The following TLR8 variants were observed in gnomAD, a reference collection of about 807,000 sequenced individuals.
TLR8 encodes the protein toll like receptor 8, also known as toll-like receptor 8.
Under a neutral mutation model 18.5 loss-of-function variants are expected in TLR8, and 5 were observed. That is an observed-to-expected ratio of 0.27 (90% CI 0.14 to 0.57). TLR8 has a LOEUF of 0.57. Among genes scored for constraint, TLR8 ranks in the 20% least tolerant of loss-of-function variants. The pLI, the probability that TLR8 is intolerant of heterozygous loss-of-function variation, is 0.92. For missense variants in TLR8, 543 were observed against 769.8 expected, an observed-to-expected ratio of 0.71 and a Z score of 3.49; for synonymous variants, 299 against 300.1, an observed-to-expected ratio of 1.00 and a Z score of 0.04.
At chrX:12,907,334 G>A (rs891496998) in intron 1 of TLR8, among the ~76,000 whole-genome samples, 6 of 112,394 alleles carry the variant, frequency 5.3e-5, no homozygotes, top group African/African-American at 1.9e-4. Flanking sequence ...AGACATAGCA[G>A]GTGGTCCGTT....
chrX:12,908,968 T>C (rs1373612724), intron 1 of TLR8, among the ~76,000 whole-genome samples: 1 of 111,749 alleles, frequency 8.9e-6, no homozygotes, highest in Non-Finnish European at 1.9e-5. Flanking sequence ...TCACAGAATA[T>C]TAGGGTGTGT....
In TLR8 at chrX:12,915,894, T is replaced by C. The variant is rs770905662; in HGVS notation, c.4-3150T>C. On this transcript the variant is annotated intron_variant, in intron 1 of 1. Transcript: ENST00000218032. ...AGGTTTCACTCCTTTTTTTTTTTTC[T>C]TTTTGAGACGGAGTTTCACTCTTGT... 3.6e-5 allele frequency among the ~76,000 whole-genome samples: 4 copies of C among 110,666 alleles called. No homozygotes were observed. In the South Asian group the frequency reaches 1.5e-3, roughly 42 times the overall value.
intron 1 of TLR8, among the ~76,000 whole-genome samples, chrX:12,917,166 T>C (rs1298280115): frequency 1.8e-5 from 2 of 112,138 alleles, no homozygotes; most frequent in Non-Finnish European, 3.8e-5. Flanking sequence ...ACAAAATTCA[T>C]GGGGGTCATC....
chrX:12,916,241 G>A (rs1354784133), intron 1 of TLR8, among the ~76,000 whole-genome samples: 1 of 111,770 alleles, frequency 8.9e-6, no homozygotes, highest in East Asian at 2.8e-4. Context: ...TTATCACAGT[G>A]TAAACCTTGT....
chrX:12,922,256 C>T lies in TLR8; in HGVS notation c.*90C>T, dbSNP rs5744086. The T allele has an allele frequency of 0.049, 52,525 of 1,076,005 alleles. 983 individuals carry two copies. Among genetic ancestry groups the T allele is most frequent in the African/African-American group, 0.1 (5,479 of 53,571 alleles). 88.7% of individuals were successfully genotyped at this position (1,076,005 alleles called of 1,213,427 possible). Reference sequence around the variant, plus strand: ...TATCTATTGCTATGTAACAAATTATCCCAAAACTTAGTGGTTTAAAACAAC... The same window carrying T: ...TATCTATTGCTATGTAACAAATTATTCCAAAACTTAGTGGTTTAAAACAAC... On this transcript the variant is annotated 3_prime_UTR_variant, in exon 2 of 2. Coordinates refer to ENST00000218032, the MANE Select transcript of TLR8 (RefSeq NM_138636.5).
rs1268577130 is a variant in TLR8, at chrX:12,922,186, T to C, written c.*20T>C. 1.7e-6 allele frequency: 2 copies of C among 1,169,264 alleles called. No individual in the cohort carries two copies. The highest frequency in any genetic ancestry group is 3.6e-5 in the African/African-American group (2 of 56,090). ...TACTAACTGACGTTAAGTCATGATT[T>C]CGCGCCATAATAAAGATGCAAAGGA... On this transcript the variant is annotated 3_prime_UTR_variant, in exon 2 of 2. Transcript: ENST00000218032.
Position 12,922,821 on chromosome X carries a change from T to G in TLR8, c.*655T>G, listed in dbSNP as rs1033438620. 8.9e-6 allele frequency: 1 copy of G among 112,256 alleles called. No homozygotes were observed. Among genetic ancestry groups the G allele is most frequent in the East Asian group, 2.8e-4 (1 of 3,601 alleles). The allele number at this position is 112,256 out of a possible 1,213,427, so 9.3% of individuals were successfully genotyped here. A position where few individuals can be genotyped will look rare whatever the true frequency, so the allele number is the denominator to read the frequency against. On this transcript the variant is annotated 3_prime_UTR_variant, in exon 2 of 2. Transcript: ENST00000218032. ...GATCACTGTGGACCATCTTAGCAGT[T>G]GACCTAACACATCTTCTTTTCAATA...
intron 1 of TLR8, among the ~76,000 whole-genome samples, chrX:12,913,602 C>A (rs1198538200): frequency 8.9e-6 from 1 of 112,706 alleles, no homozygotes; most frequent in East Asian, 2.7e-4. Flanking sequence ...TACTCATAGG[C>A]ATTTAGATTA....
chrX:12,911,387 ATTC>A (rs2043019996), intron 1 of TLR8, among the ~76,000 whole-genome samples: 1 of 111,679 alleles, frequency 9.0e-6, no homozygotes, highest in Non-Finnish European at 1.9e-5. Flanking sequence ...GTAGCTAGCA[ATTC>A]TTGATGCTCT....
chrX:12,921,819 G>A lies in TLR8; in HGVS notation c.2779G>A (p.Ala927Thr). 8.3e-7 allele frequency: 1 copy of A among 1,211,689 alleles called. No homozygotes were observed. The highest frequency in any genetic ancestry group is 1.1e-6 in the Non-Finnish European group (1 of 895,423). ...LEERDWDPGLAIIDNLMQSIN... is the reference protein window; with the variant it reads ...LEERDWDPGLTIIDNLMQSIN... The stretch of plus-strand genomic sequence containing the variant: ...GGAGAGGGATTGGGACCCGGGATTG[G>A]CCATCATCGACAACCTCATGCAGAG... Residue 927 changes from alanine (A) to threonine (T), a missense_variant, in exon 2 of 2, where the codon GCC (alanine) becomes ACC (threonine). Ala to Thr is a moderately conservative substitution (Grantham distance 58). This residue lies in a region of TLR8 where 227 missense variants were observed against 312.9 expected (regional missense o/e 0.73). Transcript: ENST00000218032.
rs186443761 is a variant in TLR8 at position 12,922,200 on chromosome X, A to T, written c.*34A>T. On this transcript the variant is annotated 3_prime_UTR_variant, in exon 2 of 2. Transcript: ENST00000218032. Reference sequence around the variant, plus strand: ...AAGTCATGATTTCGCGCCATAATAAAGATGCAAAGGAATGACATTTCTGTA... The same window carrying T: ...AAGTCATGATTTCGCGCCATAATAATGATGCAAAGGAATGACATTTCTGTA... 24 of 1,156,809 alleles carry T rather than the reference A, an allele frequency of 2.1e-5. 1 individual carries two copies. In the East Asian group the frequency reaches 6.3e-4, roughly 30 times the overall value.
At position 12,919,118 on chromosome X, in the gene TLR8, C is replaced by G; in HGVS notation, c.78C>G (p.Ala26=). ...LLISGSCELC[A]EENFSRSYPC... Reference sequence around the variant, plus strand: ...TATCTGGTTCCTGTGAGTTATGCGCCGAAGAAAATTTTTCTAGAAGCTATC... The same window carrying G: ...TATCTGGTTCCTGTGAGTTATGCGCGGAAGAAAATTTTTCTAGAAGCTATC... Residue 26 remains alanine, a synonymous_variant, in exon 2 of 2, where the codon GCC becomes GCG. Transcript: ENST00000218032. 1 of 1,211,084 alleles carries G rather than the reference C, an allele frequency of 8.3e-7. No individual in the cohort carries two copies. The highest frequency in any genetic ancestry group is 1.1e-6 in the Non-Finnish European group (1 of 895,264).
At position 12,920,561 on chromosome X, in the gene TLR8, T is replaced by A. The variant is rs774911402; in HGVS notation, c.1521T>A (p.Ile507=). The part of the protein sequence containing the change: ...GPNQFENLPD[I]ACLNLSANSN... ...ACCAATTTGAAAATCTTCCTGACAT[T>A]GCCTGTTTAAATCTGTCTGCAAATA... Residue 507 remains isoleucine (I), a synonymous_variant, in exon 2 of 2, where the codon ATT becomes ATA. Coordinates refer to ENST00000218032, the MANE Select transcript of TLR8 (RefSeq NM_138636.5). The A allele has an allele frequency of 1.6e-5, 19 of 1,211,518 alleles. No homozygotes were observed. The South Asian group carries it at 3.2e-4, about 20-fold the overall frequency.
chrX:12,910,291 T>A lies in TLR8; in HGVS notation c.3+3582T>A, dbSNP rs1353236156. On this transcript the variant is annotated intron_variant, in intron 1 of 1. Coordinates refer to ENST00000218032, the MANE Select transcript of TLR8 (RefSeq NM_138636.5). Reference sequence around the variant, plus strand: ...AATTCAACTGAGGAGATTAATTACATGTTATAATCAATAGGTTCTCTTGAC... The same window carrying A: ...AATTCAACTGAGGAGATTAATTACAAGTTATAATCAATAGGTTCTCTTGAC... 11 of 1,121,902 alleles carry A rather than the reference T, an allele frequency of 9.8e-6. No homozygotes were observed. In the East Asian group the frequency reaches 3.4e-4, roughly 34 times the overall value. The allele number at this position is 1,121,902 out of a possible 1,213,427, so 92.5% of individuals were successfully genotyped here.
Position 12,919,919 on chromosome X carries a change from C to T in TLR8, c.879C>T (p.Asn293=). Reference sequence around the variant, plus strand: ...ACTTGACCCAACTTCGATACCTAAACCTCTCTAGCACTTCCCTCAGGAAGA... The same window carrying T: ...ACTTGACCCAACTTCGATACCTAAATCTCTCTAGCACTTCCCTCAGGAAGA... ...FQNLTQLRYL[N]LSSTSLRKIN... The change falls in exon 2 of 2, where the codon AAC becomes AAT. Residue 293 remains asparagine (N), a synonymous_variant. Coordinates refer to ENST00000218032, the MANE Select transcript of TLR8 (RefSeq NM_138636.5). The T allele has an allele frequency of 1.7e-6, 2 of 1,211,347 alleles. No individual in the cohort carries two copies. The highest frequency in any genetic ancestry group is 1.1e-6 in the Non-Finnish European group (1 of 895,199).
At chrX:12,910,434 A>G in intron 1 of TLR8, 1 of 1,167,569 alleles carries the variant, frequency 8.6e-7, no homozygotes, top group Middle Eastern at 2.3e-4. Context: ...GGGAAAGGAG[A>G]CTAAAAAGGT....
chrX:12,915,935 G>T (rs987186692), intron 1 of TLR8, among the ~76,000 whole-genome samples: 4 of 109,741 alleles, frequency 3.6e-5, no homozygotes, highest in Non-Finnish European at 7.6e-5. Context: ...AGGCTGGAGT[G>T]CAATGGTGTG....
Position 12,921,778 on chromosome X carries a change from T to G in TLR8, c.2738T>G (p.Val913Gly). 8.3e-7 allele frequency: 1 copy of G among 1,211,395 alleles called. No homozygotes were observed. The highest frequency in any genetic ancestry group is 1.1e-6 in the Non-Finnish European group (1 of 895,164). ...YHLEESRDKNVLLCLEERDWD... is the reference protein window; with the variant it reads ...YHLEESRDKNGLLCLEERDWD... ...CTTGAAGAGAGCCGAGACAAAAACG[T>G]TCTCCTTTGTCTAGAGGAGAGGGAT... Residue 913 changes from valine to glycine, a missense_variant, in exon 2 of 2, where the codon GTT becomes GGT. Physicochemically the swap from Val to Gly is moderately radical, Grantham distance 109. This residue lies in a region of TLR8 where 227 missense variants were observed against 312.9 expected (regional missense o/e 0.73). Transcript: ENST00000218032.
At position 12,919,669 on chromosome X, in the gene TLR8, T is replaced by C; in HGVS notation, c.629T>C (p.Phe210Ser). Reference sequence around the variant, plus strand: ...AATTTGGAGTTGCTATCACTATCTTTCAATTCTCTTTCACACGTGCCACCC... The same window carrying C: ...AATTTGGAGTTGCTATCACTATCTTCCAATTCTCTTTCACACGTGCCACCC... ...LTNLELLSLS[F>S]NSLSHVPPKL... Residue 210 changes from phenylalanine to serine, a missense_variant, in exon 2 of 2, where the codon TTC (phenylalanine) becomes TCC (serine). Around this residue, in one of 4 missense-constraint regions of TLR8, gnomAD observed 185 missense variants for 298.9 expected, o/e 0.62. Coordinates refer to ENST00000218032, the MANE Select transcript of TLR8 (RefSeq NM_138636.5). The C allele has an allele frequency of 3.3e-6, 4 of 1,211,539 alleles. No homozygotes were observed. Among genetic ancestry groups the C allele is most frequent in the Non-Finnish European group, 4.5e-6 (4 of 895,353 alleles).
Sources: allele counts gnomAD v4.1 joint callset (sites outside exome capture counted in the v4.1 genomes callset), GRCh38; gene constraint gnomAD v4.1.1; regional missense constraint gnomAD v4.1.1; transcripts MANE v1.5; gene names NCBI Gene and HGNC (gene_info 2026-07-23, HGNC 2026-07-21).